Variants in ASAP1 observed in about 807,000 individuals in gnomAD.
The protein encoded by ASAP1 is ArfGAP with SH3 domain, ankyrin repeat and PH domain 1, also known as arf-GAP with SH3 domain, ANK repeat and PH domain-containing protein 1.
ASAP1 carries 43 observed loss-of-function variants against 145.2 expected under a neutral mutation model. The observed-to-expected ratio is 0.30, with a 90% confidence interval of 0.23 to 0.38. The LOEUF is 0.38. ASAP1 is among the 10% of genes least tolerant of loss of function. The pLI, the probability that ASAP1 is intolerant of heterozygous loss-of-function variation, is 1.00. For missense variants in ASAP1, 1,018 were observed against 1,355.3 expected (o/e 0.75, Z 3.91); for synonymous variants, 546 against 515.5 (o/e 1.06, Z -0.80).
chr8:130,393,061 A>G (rs1828360238), intron 2 of ASAP1, among the ~76,000 whole-genome samples: 1 of 152,086 alleles, frequency 6.6e-6, no homozygotes, highest in African/African-American at 2.4e-5. Flanking sequence ...TGTTCTCATA[A>G]CTTATCTTCT....
chr8:130,119,737 C>CT (rs2097562539), intron 18 of ASAP1, among the ~76,000 whole-genome samples: 1 of 151,858 alleles, frequency 6.6e-6, no homozygotes, highest in African/African-American at 2.4e-5. Context: ...TGGATTAAAT[C>CT]TTTTAGTTCT....
At chr8:130,076,199 A>G (rs2097461962) in intron 27 of ASAP1, 149 bp downstream of exon 27, 1 of 526,886 alleles carries the variant, frequency 1.9e-6, no homozygotes, top group Non-Finnish European at 3.4e-6. Flanking sequence ...TCGTCATTTA[A>G]TGTGTATTTA....
rs116993648 is a variant in ASAP1, at chr8:130,352,691, T to C, written c.186+5326A>G. On this transcript the variant is annotated intron_variant, in intron 3 of 29. Coordinates refer to ENST00000518721, the MANE Select transcript of ASAP1 (RefSeq NM_018482.4). ...AATACTTAACTGCTGTAATCCTGAA[T>C]TTCTTCATCTATAAAATGGAGCCAT... 2.4e-3 allele frequency among the ~76,000 whole-genome samples: 370 copies of C among 152,332 alleles called. 1 individual carries two copies. The highest frequency in any genetic ancestry group is 4.3e-3 in the Non-Finnish European group (295 of 68,018).
chr8:130,354,687 A>G (rs1229411225), intron 3 of ASAP1, among the ~76,000 whole-genome samples: 1 of 152,220 alleles, frequency 6.6e-6, no homozygotes, highest in Non-Finnish European at 1.5e-5. Context: ...ACTGCTGAAT[A>G]AGTAAAACAC....
intron 9 of ASAP1, among the ~76,000 whole-genome samples, chr8:130,173,538 G>A (rs1023159819): frequency 5.3e-5 from 8 of 152,132 alleles, no homozygotes; most frequent in African/African-American, 1.9e-4. Context: ...GGCCAAGGCA[G>A]GACGATTGCT....
At chr8:130,116,799 G>C in intron 21 of ASAP1, 54 bp from the exon 22 acceptor site, 1 of 1,591,060 alleles carries the variant, frequency 6.3e-7, no homozygotes. Context: ...ACCTTAAGAA[G>C]GCAAGGAACA....
chr8:130,406,475 CTTTT>C (rs200416384), intron 1 of ASAP1, among the ~76,000 whole-genome samples: 5 of 138,224 alleles, frequency 3.6e-5, no homozygotes, highest in African/African-American at 2.6e-5. Flanking sequence ...TACTTTAGTT[CTTTT>C]TTTTTTTTTT....
intron 1 of ASAP1, among the ~76,000 whole-genome samples, chr8:130,402,231 T>C (rs750548611): frequency 1.3e-5 from 2 of 152,200 alleles, no homozygotes; most frequent in Non-Finnish European, 2.9e-5. Context: ...AGCTCTACGT[T>C]GGAGAGCAAT....
intron 28 of ASAP1, among the ~76,000 whole-genome samples, 163 bp downstream of exon 28, chr8:130,060,416 G>A (rs112457990): frequency 2.6e-5 from 4 of 152,300 alleles, no homozygotes; most frequent in African/African-American, 9.6e-5. Context: ...GCCTGGGTTT[G>A]TAACCCACAG....
chr8:130,120,909 C>G (rs1283467056), intron 18 of ASAP1, among the ~76,000 whole-genome samples: 1 of 152,184 alleles, frequency 6.6e-6, no homozygotes, highest in Non-Finnish European at 1.5e-5. Context: ...GAAATCTGGA[C>G]ACTAGAATTC....
intron 24 of ASAP1, among the ~76,000 whole-genome samples, chr8:130,097,126 C>CAAAAAAAAAAAAAAA (rs61591724): frequency 3.7e-5 from 2 of 53,568 alleles, no homozygotes; most frequent in African/African-American, 8.1e-5. Context: ...AGTTAGTCTC[C>CAAAAAAAAAAAAAAA]AAAAAAAAAA....
At chr8:130,220,736 G>C (rs934921887) in intron 4 of ASAP1, among the ~76,000 whole-genome samples, 1 of 152,142 alleles carries the variant, frequency 6.6e-6, no homozygotes, top group Non-Finnish European at 1.5e-5. Flanking sequence ...TTAAAAAAGA[G>C]GTTTAATTGA....
At chr8:130,422,828 C>G (rs1269795502) in intron 1 of ASAP1, among the ~76,000 whole-genome samples, 1 of 152,224 alleles carries the variant, frequency 6.6e-6, no homozygotes, top group African/African-American at 2.4e-5. Flanking sequence ...AGCCAGTAAG[C>G]AGGCTGAAGC....
rs548512902 is a variant in ASAP1, at chr8:130,276,728, A to ACACACACACTCTCTCTCTCTCT, written c.187-39735_187-39734insAGAGAGAGAGAGAGTGTGTGTG. Among the ~76,000 whole-genome samples, 26 of 87,312 alleles carry ACACACACACTCTCTCTCTCTCT rather than the reference A, an allele frequency of 3.0e-4. 1 individual carries two copies. The highest frequency in any genetic ancestry group is 5.9e-4 in the South Asian group (1 of 1,706). 57.3% of individuals were successfully genotyped at this position (87,312 alleles called of 152,430 possible). A position where few individuals can be genotyped will look rare whatever the true frequency, so the allele number is the denominator to read the frequency against. ...CACACACACACACACACACACACAC[A>ACACACACACTCTCTCTCTCTCT]CTCTCTCTCTCTCTCTCTCTCTCTC... On this transcript the variant is annotated intron_variant, in intron 3 of 29. Coordinates refer to ENST00000518721, the MANE Select transcript of ASAP1 (RefSeq NM_018482.4).
At chr8:130,404,562 A>G (rs1266690794) in intron 1 of ASAP1, among the ~76,000 whole-genome samples, 1 of 152,220 alleles carries the variant, frequency 6.6e-6, no homozygotes, top group Non-Finnish European at 1.5e-5. Flanking sequence ...TACATAGTCA[A>G]TGCCTCTCCC....
chr8:130,392,758 G>A (rs1316630854), intron 2 of ASAP1, among the ~76,000 whole-genome samples: 2 of 152,170 alleles, frequency 1.3e-5, no homozygotes, highest in African/African-American at 4.8e-5. Context: ...AGAAGGGGAA[G>A]GGGAGCCAGC....
In ASAP1 at chr8:130,358,030, G is replaced by A; in HGVS notation, c.173C>T (p.Thr58Met). The change falls in exon 3 of 30, where the codon ACG (threonine) becomes ATG (methionine). Residue 58 changes from threonine to methionine, a missense_variant. Thr to Met is a moderately conservative substitution (Grantham distance 81). Around this residue, in one of 9 missense-constraint regions of ASAP1, gnomAD observed 106 missense variants for 134.5 expected, o/e 0.79. Transcript: ENST00000518721. The surrounding 1 kb of genome is among the most constrained non-coding windows in gnomAD (Gnocchi z 4.1). The part of the protein sequence containing the change: ...TRLHNCRNTV[T>M]LLEEALDQDR... ...GGCCCGACCTACCTCCTCCAGCAGC[G>A]TGACGGTGTTCCTGCAGTTGTGCAG... is the stretch of plus-strand genomic sequence containing the variant. 6 of 1,608,632 alleles carry A rather than the reference G, an allele frequency of 3.7e-6. No homozygotes were observed. The highest frequency in any genetic ancestry group is 5.1e-6 in the Non-Finnish European group (6 of 1,178,350).
chr8:130,253,928 T>A (rs887591820), intron 3 of ASAP1, among the ~76,000 whole-genome samples: 2 of 152,022 alleles, frequency 1.3e-5, no homozygotes, highest in Admixed American at 6.6e-5. Flanking sequence ...GGCTGAGCCA[T>A]GAGAATCGCT....
chr8:130,181,161 C>G (rs1442070217), intron 7 of ASAP1, among the ~76,000 whole-genome samples: 1 of 152,126 alleles, frequency 6.6e-6, no homozygotes, highest in Admixed American at 6.5e-5. Context: ...ACAAAAGCCA[C>G]TGATTATTAA....
Sources: gnomAD v4.1 joint callset for allele counts (sites outside exome capture counted in the v4.1 genomes callset) on GRCh38, gnomAD v4.1.1 for gene constraint, gnomAD v4.1.1 regional missense constraint, Gnocchi (gnomAD v3.1) non-coding constraint, MANE v1.5 for transcripts, NCBI Gene and HGNC (gene_info 2026-07-23, HGNC 2026-07-21) for gene names.